VPS54: variants seen among roughly 807,000 people sequenced by gnomAD.
The protein encoded by VPS54 is VPS54 subunit of GARP complex.
A neutral mutation model predicts 121.5 loss-of-function variants in VPS54; 45 were observed. That is an observed-to-expected ratio of 0.37 (90% CI 0.29 to 0.47). VPS54 has a LOEUF of 0.47. Among genes scored for constraint, VPS54 ranks in the 20% least tolerant of loss-of-function variants. VPS54 has a pLI of 0.99. For synonymous variants in VPS54, 371 were observed against 385.8 expected (o/e 0.96, Z 0.45); for missense variants, 1,090 against 1,131.4 (o/e 0.96, Z 0.52).
At chr2:63,982,179 T>C (rs1002392944) in intron 2 of VPS54, among the ~76,000 whole-genome samples, 2 of 150,964 alleles carry the variant, frequency 1.3e-5, no homozygotes, top group South Asian at 2.1e-4. Flanking sequence ...CTTTCCTTAA[T>C]GTACAATTAC....
chr2:63,973,452 T>C (rs1360512444), intron 3 of VPS54, among the ~76,000 whole-genome samples: 1 of 152,226 alleles, frequency 6.6e-6, no homozygotes, highest in Admixed American at 6.5e-5. Context: ...CACTTCTATA[T>C]CTTTTTTTGG....
intron 6 of VPS54, among the ~76,000 whole-genome samples, chr2:63,964,520 A>G (rs1337021183): frequency 2.6e-5 from 4 of 152,164 alleles, no homozygotes; most frequent in Non-Finnish European, 5.9e-5. Context: ...GCATATACTT[A>G]GAATATGAAA....
At chr2:63,927,000 G>A (rs564513632) in intron 12 of VPS54, among the ~76,000 whole-genome samples, 18 of 152,282 alleles carry the variant, frequency 1.2e-4, no homozygotes, top group Middle Eastern at 3.4e-3. Context: ...CAAAGCAGCA[G>A]GGAAGCTCAA....
In VPS54 at chr2:63,973,921, G is replaced by T. The variant is rs575854899; in HGVS notation, c.379-1677C>A. ...GGCTTGTTTTTTCATTCTCTTAAAGGTGTCTTTCACAGAGTAGAACTTTTT... is the reference window on the plus strand; with the variant it reads ...GGCTTGTTTTTTCATTCTCTTAAAGTTGTCTTTCACAGAGTAGAACTTTTT... On this transcript the variant is annotated intron_variant, in intron 3 of 22. Transcript: ENST00000272322. Among the ~76,000 whole-genome samples the T allele has an allele frequency of 1.7e-3, 257 of 152,228 alleles. 1 individual carries two copies. The highest frequency in any genetic ancestry group is 3.4e-3 in the Middle Eastern group (1 of 294).
intron 12 of VPS54, among the ~76,000 whole-genome samples, chr2:63,933,343 T>C (rs1399437953): frequency 6.6e-6 from 1 of 152,040 alleles, no homozygotes; most frequent in African/African-American, 2.4e-5. Context: ...CTGACCTGGG[T>C]TCCAGTATAT....
Position 63,905,549 on chromosome 2 carries a change from A to T in VPS54, c.2626-5968T>A, listed in dbSNP as rs370271252. ...ATGAACTTATTAAAAACCTGCCTGT[A>T]AAGTAAGAACAAAGACCAAATGGCT... On this transcript the variant is annotated intron_variant, in intron 20 of 22. Coordinates refer to ENST00000272322, the MANE Select transcript of VPS54 (RefSeq NM_016516.3). Among the ~76,000 whole-genome samples the T allele has an allele frequency of 5.3e-5, 8 of 152,238 alleles. No individual in the cohort carries two copies. The East Asian group carries it at 9.6e-4, about 18-fold the overall frequency.
At chr2:63,998,806 C>T (rs1677733044) in intron 1 of VPS54, among the ~76,000 whole-genome samples, 1 of 152,046 alleles carries the variant, frequency 6.6e-6, no homozygotes, top group Non-Finnish European at 1.5e-5. Context: ...CTTTTAATTT[C>T]TCTAATTAAG....
intron 12 of VPS54, among the ~76,000 whole-genome samples, chr2:63,932,414 A>G (rs913273046): frequency 1.3e-5 from 2 of 152,180 alleles, no homozygotes; most frequent in Admixed American, 6.5e-5. Flanking sequence ...AGATCAGAAA[A>G]CCAAACACTG....
intron 15 of VPS54, among the ~76,000 whole-genome samples, chr2:63,919,384 G>T (rs549047170): frequency 4.6e-5 from 7 of 152,054 alleles, no homozygotes; most frequent in African/African-American, 1.7e-4. Flanking sequence ...CCTCTTTAAA[G>T]CAGAAATACA....
intron 1 of VPS54, among the ~76,000 whole-genome samples, chr2:63,996,200 G>T (rs1461719367): frequency 2.0e-5 from 3 of 152,202 alleles, no homozygotes; most frequent in Admixed American, 6.5e-5. Flanking sequence ...CATAAATTGT[G>T]AAGATTTCAT....
intron 1 of VPS54, among the ~76,000 whole-genome samples, chr2:64,006,847 G>C (rs1205246907): frequency 6.6e-6 from 1 of 152,194 alleles, no homozygotes; most frequent in African/African-American, 2.4e-5. Context: ...TTGAACTCCT[G>C]ACCTCAGGTG....
intron 20 of VPS54, 45 bp from the exon 21 acceptor site, chr2:63,899,626 T>TGCATA (rs756886227): frequency 1.3e-6 from 2 of 1,500,972 alleles, no homozygotes; most frequent in Admixed American, 1.7e-5. Context: ...TCCTCTGAAT[T>TGCATA]GCATAATGTC....
chr2:63,893,332 G>C lies in VPS54; in HGVS notation c.*98C>G, dbSNP rs1249589849. The C allele has an allele frequency of 9.6e-7, 1 of 1,046,262 alleles. No individual in the cohort carries two copies. The highest frequency in any genetic ancestry group is 1.5e-6 in the Non-Finnish European group (1 of 662,854). The allele number at this position is 1,046,262 out of a possible 1,614,324, so 64.8% of individuals were successfully genotyped here. ...CCCTTCCCCCACCCCAGTTCACTTT[G>C]GGTTTCAGGTTCAATTCTCGAATCA... is the stretch of plus-strand genomic sequence containing the variant. On this transcript the variant is annotated 3_prime_UTR_variant, in exon 23 of 23. Transcript: ENST00000272322.
At position 63,942,510 on chromosome 2, in the gene VPS54, G is replaced by C. The variant is rs373361920; in HGVS notation, c.1353C>G (p.Leu451=). 55 of 1,598,524 alleles carry C rather than the reference G, an allele frequency of 3.4e-5. No individual in the cohort carries two copies. The African/African-American group carries it at 7.1e-4, about 21-fold the overall frequency. ...TTGTAAACTTAGAGAAAATATCCTT[G>C]AGCAGATCAAACCACTGGGGAAAAT... The part of the protein sequence containing the change: ...MLNFPQWFDL[L]KDIFSKFTIF... The change falls in exon 11 of 23, where the codon CTC becomes CTG. Residue 451 remains leucine (L), a synonymous_variant. Coordinates refer to ENST00000272322, the MANE Select transcript of VPS54 (RefSeq NM_016516.3).
At chr2:64,016,594 A>G (rs1488854942) in intron 1 of VPS54, among the ~76,000 whole-genome samples, 5 of 144,244 alleles carry the variant, frequency 3.5e-5, no homozygotes, top group Admixed American at 2.2e-4. Flanking sequence ...TTAATCTAAA[A>G]ACCACTGAAT....
At chr2:63,977,383 AT>A (rs1676591257) in intron 3 of VPS54, among the ~76,000 whole-genome samples, 1 of 152,222 alleles carries the variant, frequency 6.6e-6, no homozygotes, top group Admixed American at 6.5e-5. Context: ...TTCAGTGCTT[AT>A]TTAAGCAAGA....
chr2:63,904,457 A>T (rs1197209430), intron 20 of VPS54, among the ~76,000 whole-genome samples: 4 of 150,620 alleles, frequency 2.7e-5, no homozygotes, highest in Admixed American at 6.6e-5. Flanking sequence ...AAAAAAAAAA[A>T]AAAAAAAGGG....
chr2:63,914,202 G>A lies in VPS54; in HGVS notation c.2314C>T (p.Arg772Cys), dbSNP rs1209883375. 6.2e-6 allele frequency: 10 copies of A among 1,612,644 alleles called. No homozygotes were observed. Among genetic ancestry groups the A allele is most frequent in the South Asian group, 1.1e-5 (1 of 90,876 alleles). The change falls in exon 17 of 23, where the codon CGT becomes TGT. Residue 772 changes from arginine (R) to cysteine (C), a missense_variant. Physicochemically the swap from Arg to Cys is radical, Grantham distance 180. Around this residue, in one of 2 missense-constraint regions of VPS54, gnomAD observed 289 missense variants for 374.4 expected, o/e 0.77. Transcript: ENST00000272322. ...IPSVTTDMLT[R>C]LSDLLKYFNS... The stretch of plus-strand genomic sequence containing the variant: ...CATACCTTCAATAAATCTGACAGAC[G>A]AGTAAGCATGTCAGTAGTAACAGAT...
intron 20 of VPS54, among the ~76,000 whole-genome samples, chr2:63,904,377 TG>T (rs1672815579): frequency 7.6e-6 from 1 of 131,704 alleles, no homozygotes; most frequent in Non-Finnish European, 1.5e-5. Context: ...AGGCATAGGT[TG>T]CAGTGAGCCA....
Sources: gnomAD v4.1 joint callset for allele counts (sites outside exome capture counted in the v4.1 genomes callset) on GRCh38, gnomAD v4.1.1 for gene constraint, gnomAD v4.1.1 regional missense constraint, MANE v1.5 for transcripts, NCBI Gene and HGNC (gene_info 2026-07-23, HGNC 2026-07-21) for gene names.